The following CDC42 variants were observed in gnomAD, a reference collection of about 807,000 sequenced individuals.
CDC42 encodes the protein cell division control protein 42 homolog.
In CDC42, 1 loss-of-function variant was observed where a neutral mutation model predicts 20.8. The ratio of observed to expected loss-of-function variants is 0.05; its 90% CI spans 0.02 to 0.23. The LOEUF is 0.23. CDC42 is among the 10% of genes least tolerant of loss of function. The pLI is 1.00. For missense variants in CDC42, 49 were observed against 227.9 expected, an observed-to-expected ratio of 0.21 and a Z score of 5.05; for synonymous variants, 72 against 84.8, an observed-to-expected ratio of 0.85 and a Z score of 0.83.
rs959059845 is a variant in CDC42 at position 22,095,839 on chromosome 1, G to C, written c.*4322G>C. Among the ~76,000 whole-genome samples the C allele has an allele frequency of 6.6e-6, 1 of 152,012 alleles. No individual in the cohort carries two copies. The highest frequency in any genetic ancestry group is 1.5e-5 in the Non-Finnish European group (1 of 68,030). On this transcript the variant is annotated 3_prime_UTR_variant, in exon 6 of 6. Coordinates refer to ENST00000656825, the MANE Select transcript of CDC42 (RefSeq NM_001791.4). The stretch of plus-strand genomic sequence containing the variant: ...CTTGAGTGTGGACTTGCTTATGGTG[G>C]GCCAAAGAGGGGCAAGGGAAAGCGC...
chr1:22,073,547 A>C (rs1003010480), intron 1 of CDC42, among the ~76,000 whole-genome samples: 1 of 152,154 alleles, frequency 6.6e-6, no homozygotes, highest in Non-Finnish European at 1.5e-5. Flanking sequence ...TCAAAAAAAA[A>C]AAAAGAAAAA....
intron 2 of CDC42, among the ~76,000 whole-genome samples, chr1:22,079,853 G>GGAA (rs1645590745): frequency 6.6e-6 from 1 of 152,092 alleles, no homozygotes; most frequent in Admixed American, 6.6e-5. Flanking sequence ...TATTTTAAGT[G>GGAA]GGCTTGTGGG....
At chr1:22,053,825 T>C (rs1423353129) in intron 1 of CDC42, among the ~76,000 whole-genome samples, 2 of 152,174 alleles carry the variant, frequency 1.3e-5, no homozygotes, top group African/African-American at 4.8e-5. Flanking sequence ...ACCTAAAAGC[T>C]AGGAAGGTTT....
At chr1:22,091,062 G>T (rs944151957) in intron 5 of CDC42, among the ~76,000 whole-genome samples, 1 of 152,162 alleles carries the variant, frequency 6.6e-6, no homozygotes, top group African/African-American at 2.4e-5. Context: ...TGTTTCATTT[G>T]AATGCAGAGC....
intron 1 of CDC42, among the ~76,000 whole-genome samples, chr1:22,071,874 TCTGATA>T (rs1354393368): frequency 6.6e-6 from 1 of 152,092 alleles, no homozygotes; most frequent in East Asian, 1.9e-4. Context: ...AAAATTCAGT[TCTGATA>T]CTAACAGTTT....
chr1:22,082,266 CTCT>C lies in CDC42; in HGVS notation c.178+474_178+476del, dbSNP rs1275080660. On this transcript the variant is annotated intron_variant, in intron 3 of 5. Coordinates refer to ENST00000656825, the MANE Select transcript of CDC42 (RefSeq NM_001791.4). ...ATTTACAGTATTTATTATTATTACT[CTCT>C]TGATATTTGAAGGCATATTCAATTT... 2.0e-5 allele frequency among the ~76,000 whole-genome samples: 3 copies of C among 152,066 alleles called. No individual in the cohort carries two copies. In the East Asian group the frequency reaches 5.8e-4, roughly 29 times the overall value.
Position 22,090,578 on chromosome 1 carries a change from G to T in CDC42, c.487-850G>T, listed in dbSNP as rs1198886945. 5 of 985,994 alleles carry T rather than the reference G, an allele frequency of 5.1e-6. No homozygotes were observed. In the African/African-American group the frequency reaches 5.2e-5, roughly 10 times the overall value. The allele number at this position is 985,994 out of a possible 1,614,324, so 61.1% of individuals were successfully genotyped here. On this transcript the variant is annotated intron_variant, in intron 5 of 5. Transcript: ENST00000656825. Reference sequence around the variant, plus strand: ...CTGTGCTGTAGTGGAGTATTTGTCAGTCTGGGGTGGGGAAGATATTGATGT... The same window carrying T: ...CTGTGCTGTAGTGGAGTATTTGTCATTCTGGGGTGGGGAAGATATTGATGT...
In CDC42 at chr1:22,055,273, T is replaced by G. The variant is rs1305040718; in HGVS notation, c.-51+2531T>G. On this transcript the variant is annotated intron_variant, in intron 1 of 5. Transcript: ENST00000656825. ...CGGCCTGAATTTATAGTTTTTATAC[T>G]GAGATGGAGATAAGAGTTTGGTAAT... Among the ~76,000 whole-genome samples the G allele has an allele frequency of 4.0e-5, 6 of 151,844 alleles. No individual in the cohort carries two copies. In the South Asian group the frequency reaches 1.2e-3, roughly 32 times the overall value.
rs1645734462 is a variant in CDC42 at position 22,093,392 on chromosome 1, AC to A, written c.*1877del. ...TGTAGCCAAGTTTGGGAATCACCAC[AC>A]CTAGTTGGTTATCTCAAACTACTAC... is the stretch of plus-strand genomic sequence containing the variant. On this transcript the variant is annotated 3_prime_UTR_variant, in exon 6 of 6. Coordinates refer to ENST00000656825, the MANE Select transcript of CDC42 (RefSeq NM_001791.4). 6.6e-6 allele frequency among the ~76,000 whole-genome samples: 1 copy of A among 152,200 alleles called. No individual in the cohort carries two copies.
At chr1:22,071,253 C>T (rs993222439) in intron 1 of CDC42, among the ~76,000 whole-genome samples, 10 of 151,986 alleles carry the variant, frequency 6.6e-5, no homozygotes, top group African/African-American at 2.4e-4. Context: ...ACCATGTTAG[C>T]CAGGATGGTC....
chr1:22,086,695 T>C lies in CDC42; in HGVS notation c.315T>C (p.Cys105=). Residue 105 remains cysteine (C), a synonymous_variant, in exon 5 of 6, where the codon TGT becomes TGC. Coordinates refer to ENST00000656825, the MANE Select transcript of CDC42 (RefSeq NM_001791.4). ...GGGTGCCTGAGATAACTCACCACTG[T>C]CCAAAGACTCCTTTCTTGCTTGTTG... is the stretch of plus-strand genomic sequence containing the variant. ...EKWVPEITHH[C]PKTPFLLVGT... is the part of the protein sequence containing the mutation. The C allele has an allele frequency of 6.2e-7, 1 of 1,614,110 alleles. No homozygotes were observed. The highest frequency in any genetic ancestry group is 8.5e-7 in the Non-Finnish European group (1 of 1,179,984).
chr1:22,090,390 G>T, intron 5 of CDC42: 1 of 1,006,554 alleles, frequency 9.9e-7, no homozygotes, highest in Non-Finnish European at 1.2e-6. Context: ...GATGGAGAAA[G>T]TAACACAAAC....
In CDC42 at chr1:22,093,015, T is replaced by G. The variant is rs895636945; in HGVS notation, c.*1498T>G. On this transcript the variant is annotated 3_prime_UTR_variant, in exon 6 of 6. Coordinates refer to ENST00000656825, the MANE Select transcript of CDC42 (RefSeq NM_001791.4). ...AGATATTGAGGAGTGGGAATTTGAC[T>G]CTTGATAACATCAATTTCTAACAAA... 6.6e-6 allele frequency: 1 copy of G among 152,660 alleles called. No individual in the cohort carries two copies. Among genetic ancestry groups the G allele is most frequent in the African/African-American group, 2.4e-5 (1 of 41,460 alleles). The allele number at this position is 152,660 out of a possible 1,614,324, so 9.5% of individuals were successfully genotyped here. A position where few individuals can be genotyped will look rare whatever the true frequency, so the allele number is the denominator to read the frequency against.
rs575295957 is a variant in CDC42 at position 22,071,136 on chromosome 1, C to T, written c.-50-7293C>T. On this transcript the variant is annotated intron_variant, in intron 1 of 5. Transcript: ENST00000656825. ...TCGGCTCACTGCAAGCTCTGCCTCACGGGTTCACGCCATTCTCCTGCCTCA... is the reference window on the plus strand; with the variant it reads ...TCGGCTCACTGCAAGCTCTGCCTCATGGGTTCACGCCATTCTCCTGCCTCA... Among the ~76,000 whole-genome samples, 23 of 148,794 alleles carry T rather than the reference C, an allele frequency of 1.5e-4. 1 individual carries two copies. The East Asian group carries it at 2.6e-3, about 17-fold the overall frequency.
At chr1:22,071,725 C>A (rs116797519) in intron 1 of CDC42, among the ~76,000 whole-genome samples, 1,779 of 152,280 alleles carry the variant, frequency 0.012, 36 homozygotes, top group African/African-American at 0.041. Flanking sequence ...TTGGGTCATT[C>A]TCTTGATTCC....
At chr1:22,055,532 C>T (rs1456223294) in intron 1 of CDC42, among the ~76,000 whole-genome samples, 1 of 151,038 alleles carries the variant, frequency 6.6e-6, no homozygotes, top group East Asian at 1.9e-4. Context: ...CTCTGTCGCC[C>T]AGGCTAGAGT....
rs1570038167 is a variant in CDC42, at chr1:22,086,559, C to G, written c.288+11C>G. On this transcript the variant is annotated intron_variant, in intron 4 of 5. Transcript: ENST00000656825. Reference sequence around the variant, plus strand: ...AACGTGAAAGAAAAGGTAAGCTGATCAGATACTCTTGCCCTAAGAAGATCA... The same window carrying G: ...AACGTGAAAGAAAAGGTAAGCTGATGAGATACTCTTGCCCTAAGAAGATCA... 4 of 1,593,206 alleles carry G rather than the reference C, an allele frequency of 2.5e-6. No homozygotes were observed. Among genetic ancestry groups the G allele is most frequent in the Non-Finnish European group, 3.4e-6 (4 of 1,161,782 alleles).
chr1:22,070,971 C>T (rs1173876399), intron 1 of CDC42, among the ~76,000 whole-genome samples: 1 of 151,782 alleles, frequency 6.6e-6, no homozygotes, highest in Non-Finnish European at 1.5e-5. Flanking sequence ...AATGGCCTTG[C>T]TGAGAAAATT....
chr1:22,065,358 T>A (rs1428402723), intron 1 of CDC42, among the ~76,000 whole-genome samples: 2 of 152,214 alleles, frequency 1.3e-5, no homozygotes, highest in Non-Finnish European at 2.9e-5. Context: ...CTTATTAAAT[T>A]AAATTGCTCT....
Sources: allele counts gnomAD v4.1 joint callset (sites outside exome capture counted in the v4.1 genomes callset), GRCh38; gene constraint gnomAD v4.1.1; transcripts MANE v1.5; gene names NCBI Gene and HGNC (gene_info 2026-07-23, HGNC 2026-07-21).